Variants in PLXDC2 observed in about 807,000 individuals in gnomAD.
The protein encoded by PLXDC2 is plexin domain-containing protein 2.
Under a neutral mutation model 68.9 loss-of-function variants are expected in PLXDC2, and 40 were observed. The observed-to-expected ratio is 0.58, with a 90% CI of 0.45 to 0.76. The LOEUF (loss-of-function observed/expected upper bound fraction) is 0.76. Among genes scored for constraint, PLXDC2 ranks in the 30% least tolerant of loss-of-function variants. The probability of loss-of-function intolerance (pLI) is 0.00; values close to 1 mark genes in which losing one functional copy is unlikely to be tolerated. For missense variants in PLXDC2, 644 were observed against 661.9 expected, an observed-to-expected ratio of 0.97 and a Z score of 0.30; for synonymous variants, 243 against 234.2, an observed-to-expected ratio of 1.04 and a Z score of -0.34.
chr10:20,162,063 AGAGAGAGAGAAGGAAG>A (rs1203169230), intron 6 of PLXDC2, among the ~76,000 whole-genome samples: 30 of 70,590 alleles, frequency 4.2e-4, no homozygotes, highest in African/African-American at 1.1e-3. Flanking sequence ...AGAGAGAGAG[AGAGAGAGAGAAGGAAG>A]GAAGGAAGGA....
chr10:20,254,475 C>T lies in PLXDC2; in HGVS notation c.1473+8970C>T, dbSNP rs78082015. On this transcript the variant is annotated intron_variant, in intron 13 of 13. Coordinates refer to ENST00000377252, the MANE Select transcript of PLXDC2 (RefSeq NM_032812.9). ...CAAATCTTTTTTTGTCTTGAAGTCA[C>T]ATATTTTTAATAACTGAGTTTTGCT... is the stretch of plus-strand genomic sequence containing the variant. Among the ~76,000 whole-genome samples the T allele has an allele frequency of 5.2e-3, 791 of 152,232 alleles. 34 individuals are homozygous for T. In the East Asian group the frequency reaches 0.1, roughly 20 times the overall value.
intron 4 of PLXDC2, among the ~76,000 whole-genome samples, chr10:20,078,176 G>A (rs10827957): frequency 0.2 from 29,880 of 151,850 alleles, 4,063 homozygotes; most frequent in East Asian, 0.6. Context: ...AATAAAACTT[G>A]AGACCAGCCT....
intron 13 of PLXDC2, among the ~76,000 whole-genome samples, chr10:20,274,312 T>C (rs528665548): frequency 4.6e-5 from 7 of 152,318 alleles, no homozygotes; most frequent in Admixed American, 4.6e-4. Context: ...TCATTGACTT[T>C]GTACTTTAAA....
chr10:20,041,159 G>C (rs890158584), intron 2 of PLXDC2, among the ~76,000 whole-genome samples: 12 of 152,094 alleles, frequency 7.9e-5, no homozygotes, highest in African/African-American at 2.9e-4. Context: ...ATTTTTATTA[G>C]AGGTACATTG....
intron 1 of PLXDC2, among the ~76,000 whole-genome samples, chr10:19,928,876 T>G (rs1833582789): frequency 6.7e-6 from 1 of 149,208 alleles, no homozygotes; most frequent in Admixed American, 6.7e-5. Flanking sequence ...TGCCTCAGCC[T>G]CCCAAATAGC....
chr10:19,872,219 A>T (rs1340316996), intron 1 of PLXDC2, among the ~76,000 whole-genome samples: 3 of 152,208 alleles, frequency 2.0e-5, no homozygotes, highest in African/African-American at 7.2e-5. Context: ...AACGCAGGTC[A>T]AGTAGGAGAG....
At chr10:20,051,314 T>C (rs1441320843) in intron 3 of PLXDC2, among the ~76,000 whole-genome samples, 1 of 150,156 alleles carries the variant, frequency 6.7e-6, no homozygotes, top group East Asian at 2.0e-4. Context: ...GATGAAAGAA[T>C]CCATACAACA....
At position 20,217,551 on chromosome 10, in the gene PLXDC2, G is replaced by A; in HGVS notation, c.1248G>A (p.Gln416=). The part of the protein sequence containing the change: ...LTTTRRAVTS[Q]FPTSLPTEDD... ...CCACCAGAAGAGCAGTGACTTCTCA[G>A]TTTCCCACCAGCCTCCCTACAGAAG... The change falls in exon 11 of 14, where the codon CAG becomes CAA. Residue 416 remains glutamine, a synonymous_variant. Transcript: ENST00000377252. 6.6e-7 allele frequency: 1 copy of A among 1,511,854 alleles called. No individual in the cohort carries two copies. The highest frequency in any genetic ancestry group is 8.9e-7 in the Non-Finnish European group (1 of 1,122,882). 93.7% of individuals were successfully genotyped at this position (1,511,854 alleles called of 1,614,324 possible). A position where few individuals can be genotyped will look rare whatever the true frequency, so the allele number is the denominator to read the frequency against.
intron 2 of PLXDC2, among the ~76,000 whole-genome samples, chr10:20,027,854 A>G (rs1477133117): frequency 7.9e-5 from 12 of 152,186 alleles, no homozygotes; most frequent in Non-Finnish European, 1.5e-5. Flanking sequence ...AGGAAGAGAA[A>G]TCTGGACACA....
chr10:19,870,965 T>A (rs1564614897), intron 1 of PLXDC2, among the ~76,000 whole-genome samples: 1 of 152,156 alleles, frequency 6.6e-6, no homozygotes, highest in Non-Finnish European at 1.5e-5. Context: ...ATGAATAAGC[T>A]GAGATTTAGA....
intron 8 of PLXDC2, 35 bp from the exon 9 acceptor site, chr10:20,177,293 T>C (rs1156818914): frequency 6.6e-7 from 1 of 1,513,224 alleles, no homozygotes; most frequent in Admixed American, 1.7e-5. Flanking sequence ...AGTTGCCTGT[T>C]AGTCTTGGTG....
chr10:19,959,396 C>G (rs993902191), intron 1 of PLXDC2, among the ~76,000 whole-genome samples: 4 of 152,104 alleles, frequency 2.6e-5, no homozygotes, highest in African/African-American at 9.7e-5. Context: ...TGATAAAAAG[C>G]TACTAAAAAA....
rs1444849267 is a variant in PLXDC2, at chr10:20,281,065, TTC to T, written c.*1248_*1249del. On this transcript the variant is annotated 3_prime_UTR_variant, in exon 14 of 14. Coordinates refer to ENST00000377252, the MANE Select transcript of PLXDC2 (RefSeq NM_032812.9). ...AATAATCCTTAATATTAGAATATTT[TTC>T]TGTCACTTAGCAAAAGTGGTTCAGT... The T allele has an allele frequency of 6.6e-6, 1 of 152,172 alleles. No homozygotes were observed. The highest frequency in any genetic ancestry group is 6.6e-5 in the Admixed American group (1 of 15,264). 9.4% of individuals were successfully genotyped at this position (152,172 alleles called of 1,614,324 possible).
chr10:20,259,085 A>G (rs1835779580), intron 13 of PLXDC2, among the ~76,000 whole-genome samples: 1 of 152,106 alleles, frequency 6.6e-6, no homozygotes, highest in African/African-American at 2.4e-5. Flanking sequence ...GGAAGCTACA[A>G]CCACTTAGAT....
chr10:19,911,317 C>G (rs570789270), intron 1 of PLXDC2, among the ~76,000 whole-genome samples: 1 of 151,924 alleles, frequency 6.6e-6, no homozygotes, highest in African/African-American at 2.4e-5. Context: ...TAAAGTTTAC[C>G]CTTCTAGGTA....
intron 2 of PLXDC2, among the ~76,000 whole-genome samples, chr10:20,044,211 G>GTCTGTCTT (rs1486556031): frequency 1.5e-4 from 10 of 68,594 alleles, no homozygotes; most frequent in South Asian, 6.1e-4. Flanking sequence ...CTCTCTCTCT[G>GTCTGTCTT]TCTTTCTTTC....
chr10:20,060,221 T>G (rs1836076635), intron 3 of PLXDC2, among the ~76,000 whole-genome samples: 1 of 151,724 alleles, frequency 6.6e-6, no homozygotes, highest in Non-Finnish European at 1.5e-5. Context: ...AGAGACAGGG[T>G]CTTGCTATTT....
intron 4 of PLXDC2, among the ~76,000 whole-genome samples, chr10:20,111,070 AG>A (rs1268059087): frequency 6.6e-6 from 1 of 152,212 alleles, no homozygotes; most frequent in East Asian, 1.9e-4. Context: ...AACAGAAATC[AG>A]CCAGCATTTA....
At chr10:20,052,179 A>C (rs1256163571) in intron 3 of PLXDC2, among the ~76,000 whole-genome samples, 2 of 152,132 alleles carry the variant, frequency 1.3e-5, no homozygotes, top group Admixed American at 1.3e-4. Context: ...TTTACTGCTT[A>C]GATCTTATAA....
Sources: gnomAD v4.1 joint callset for allele counts (sites outside exome capture counted in the v4.1 genomes callset) on GRCh38, gnomAD v4.1.1 for gene constraint, MANE v1.5 for transcripts, NCBI Gene and HGNC (gene_info 2026-07-23, HGNC 2026-07-21) for gene names.